The following GIT2 variants were observed in gnomAD, a reference collection of about 807,000 sequenced individuals.
GIT2 encodes GIT ArfGAP 2, also known as ARF GTPase-activating protein GIT2.
Under a neutral mutation model 100.3 loss-of-function variants are expected in GIT2, and 32 were observed. The ratio of observed to expected loss-of-function variants is 0.32; its 90% CI spans 0.24 to 0.43. The LOEUF (loss-of-function observed/expected upper bound fraction) is 0.43. Ranked by LOEUF, GIT2 falls within the 20% of genes least tolerant of loss-of-function variation. GIT2 has a pLI of 1.00. For synonymous variants in GIT2, 353 were observed against 364.1 expected (o/e 0.97, Z 0.35); for missense variants, 737 against 975.1 (o/e 0.76, Z 3.25).
intron 15 of GIT2, among the ~76,000 whole-genome samples, chr12:109,945,663 A>G (rs1222743099): frequency 1.3e-5 from 2 of 152,242 alleles, no homozygotes; most frequent in Admixed American, 1.3e-4. Context: ...ACTGATGTGA[A>G]ATGAGAAACT....
rs371845599 is a variant in GIT2 at position 109,991,179 on chromosome 12, G to A, written c.186+448C>T. Among the ~76,000 whole-genome samples, 101 of 152,142 alleles carry A rather than the reference G, an allele frequency of 6.6e-4. 2 individuals carry two copies. The South Asian group carries it at 0.02, about 30-fold the overall frequency. Reference sequence around the variant, plus strand: ...ACAAAAATTAGCCGGGCATGATGGCGGGTGCCTGTAATCCCAGCTACTTGG... The same window carrying A: ...ACAAAAATTAGCCGGGCATGATGGCAGGTGCCTGTAATCCCAGCTACTTGG... On this transcript the variant is annotated intron_variant, in intron 2 of 19. Transcript: ENST00000355312.
At chr12:109,941,811 G>A (rs1392123234) in intron 16 of GIT2, among the ~76,000 whole-genome samples, 3 of 151,000 alleles carry the variant, frequency 2.0e-5, no homozygotes, top group Non-Finnish European at 4.4e-5. Flanking sequence ...GTGAGCCACC[G>A]CACCCTGCCA....
rs759724908 is a variant in GIT2, at chr12:109,938,372, C to T, written c.2003+8G>A. ...CTCTCCCAAAGCAGGGTCTTCAATC[C>T]TGCTTACCTGTCATGTTTATTTTCT... On this transcript the variant is annotated splice_region_variant and intron_variant, in intron 18 of 19. Transcript: ENST00000355312. 1 of 1,606,924 alleles carries T rather than the reference C, an allele frequency of 6.2e-7. No individual in the cohort carries two copies. The highest frequency in any genetic ancestry group is 1.7e-5 in the Admixed American group (1 of 59,434).
At chr12:109,974,518 T>C (rs910123502) in intron 7 of GIT2, among the ~76,000 whole-genome samples, 1 of 152,202 alleles carries the variant, frequency 6.6e-6, no homozygotes, top group Non-Finnish European at 1.5e-5. Flanking sequence ...AGCGCGAGGC[T>C]CTGTTTCCAA....
intron 8 of GIT2, 129 bp downstream of exon 8, chr12:109,967,329 A>C: frequency 6.3e-7 from 1 of 1,598,212 alleles, no homozygotes; most frequent in Non-Finnish European, 8.5e-7. Context: ...TCTTATTTCC[A>C]AATGGTATAG....
At chr12:109,969,162 C>CTTTTTTT (rs71079595) in intron 7 of GIT2, among the ~76,000 whole-genome samples, 4 of 89,100 alleles carry the variant, frequency 4.5e-5, no homozygotes, top group Admixed American at 1.4e-4. Context: ...AAAACTTTTC[C>CTTTTTTT]TTTTTTTTTT....
In GIT2 at chr12:109,970,051, C is replaced by T. The variant is rs567136997; in HGVS notation, c.719-2548G>A. Among the ~76,000 whole-genome samples the T allele has an allele frequency of 6.5e-4, 99 of 152,162 alleles. 2 individuals carry two copies. In the Middle Eastern group the frequency reaches 0.01, roughly 16 times the overall value. On this transcript the variant is annotated intron_variant, in intron 7 of 19. Transcript: ENST00000355312. ...CATTACAGGCATGAGCCACCGTGCC[C>T]GGACCTCTTACATTTTCTTCTAGAA...
At chr12:109,937,019 A>G (rs1001374691) in intron 18 of GIT2, among the ~76,000 whole-genome samples, 1 of 152,218 alleles carries the variant, frequency 6.6e-6, no homozygotes, top group Admixed American at 6.5e-5. Context: ...TGGTATGAAG[A>G]GAATGCCTGG....
At chr12:109,970,344 T>C (rs1050174617) in intron 7 of GIT2, among the ~76,000 whole-genome samples, 1 of 151,944 alleles carries the variant, frequency 6.6e-6, no homozygotes, top group African/African-American at 2.4e-5. Context: ...ATACAAAAAA[T>C]TACCTGGGTG....
intron 1 of GIT2, 22 bp downstream of exon 1, chr12:109,996,151 G>C (rs749611996): frequency 1.4e-6 from 2 of 1,472,056 alleles, no homozygotes; most frequent in Admixed American, 2.1e-5. Flanking sequence ...AGAGGGGAGC[G>C]GGCCCGGCCG....
chr12:109,981,263 G>C (rs1240203573), intron 6 of GIT2: 1 of 445,708 alleles, frequency 2.2e-6, no homozygotes, highest in East Asian at 3.6e-5. Context: ...CCTTTATTAA[G>C]GCCAAAATAG....
At chr12:109,937,188 G>A (rs1245715786) in intron 18 of GIT2, among the ~76,000 whole-genome samples, 1 of 152,072 alleles carries the variant, frequency 6.6e-6, no homozygotes, top group Non-Finnish European at 1.5e-5. Context: ...TTCTTTCCTA[G>A]TGGGAAATAA....
intron 4 of GIT2, among the ~76,000 whole-genome samples, chr12:109,988,619 G>A (rs370012364): frequency 3.3e-5 from 5 of 151,998 alleles, no homozygotes; most frequent in African/African-American, 9.7e-5. Context: ...CTAGGAGGCC[G>A]AGGCAGACGG....
chr12:109,933,721 C>T lies in GIT2; in HGVS notation c.2067+301G>A, dbSNP rs1176402788. On this transcript the variant is annotated intron_variant, in intron 19 of 19. Coordinates refer to ENST00000355312, the MANE Select transcript of GIT2 (RefSeq NM_057169.5). The surrounding 1 kb of genome is among the most constrained non-coding windows in gnomAD (Gnocchi z 4.5). ...GGTTCAAGCGATTCTCCTGCTTCAG[C>T]CTCCTGAGTAGCTGGGATTACAGGC... 6.9e-6 allele frequency: 2 copies of T among 289,384 alleles called. No homozygotes were observed. Among genetic ancestry groups the T allele is most frequent in the African/African-American group, 4.4e-5 (2 of 45,506 alleles). The allele number at this position is 289,384 out of a possible 1,614,324, so 17.9% of individuals were successfully genotyped here.
chr12:109,965,767 T>C (rs2136458472), intron 8 of GIT2, 190 bp from the exon 9 acceptor site: 1 of 735,194 alleles, frequency 1.4e-6, no homozygotes, highest in South Asian at 1.4e-5. Flanking sequence ...TAACTCCTTC[T>C]GAAATACCAC....
chr12:109,985,419 A>G lies in GIT2; in HGVS notation c.406-1725T>C, dbSNP rs1273127603. Among the ~76,000 whole-genome samples, 20 of 151,566 alleles carry G rather than the reference A, an allele frequency of 1.3e-4. No homozygotes were observed. The Middle Eastern group carries it at 0.017, about 129-fold the overall frequency. On this transcript the variant is annotated intron_variant, in intron 4 of 19. Coordinates refer to ENST00000355312, the MANE Select transcript of GIT2 (RefSeq NM_057169.5). ...GCCAGATTCTGCTGGGGATTAAAAA[A>G]GGGGGGGGAAAAAAGGCCAGATGTG...
At chr12:109,990,881 G>T (rs1034135470) in intron 2 of GIT2, among the ~76,000 whole-genome samples, 3 of 152,218 alleles carry the variant, frequency 2.0e-5, no homozygotes, top group African/African-American at 7.2e-5. Context: ...AAGTTTCTGA[G>T]GAATCCCAGC....
Position 109,948,709 on chromosome 12 carries a change from G to T in GIT2, c.1393-1205C>A. 6.8e-7 allele frequency: 1 copy of T among 1,479,218 alleles called. No individual in the cohort carries two copies. Among genetic ancestry groups the T allele is most frequent in the South Asian group, 1.4e-5 (1 of 70,712 alleles). The allele number at this position is 1,479,218 out of a possible 1,614,324, so 91.6% of individuals were successfully genotyped here. A position where few individuals can be genotyped will look rare whatever the true frequency, so the allele number is the denominator to read the frequency against. ...AGTCCACAAGCAACTGTTTGCACCA[G>T]AAGATCATTACTTTTTCAGTAGCAA... On this transcript the variant is annotated intron_variant, in intron 14 of 19. Coordinates refer to ENST00000355312, the MANE Select transcript of GIT2 (RefSeq NM_057169.5). This position sits in a 1 kb window ranked among gnomAD's most constrained non-coding sequence, Gnocchi z 4.3.
rs997899319 is a variant in GIT2, at chr12:109,948,274, C to A, written c.1393-770G>T. The A allele has an allele frequency of 1.0e-6, 1 of 986,474 alleles. No individual in the cohort carries two copies. The highest frequency in any genetic ancestry group is 1.7e-5 in the African/African-American group (1 of 57,224). The allele number at this position is 986,474 out of a possible 1,614,324, so 61.1% of individuals were successfully genotyped here. The stretch of plus-strand genomic sequence containing the variant: ...CGCTTGCTTCCGTCTGGTGAGTGAT[C>A]ATCTTTCGGCCAGGGCTGGAATATT... On this transcript the variant is annotated intron_variant, in intron 14 of 19. Transcript: ENST00000355312. This position sits in a 1 kb window ranked among gnomAD's most constrained non-coding sequence, Gnocchi z 4.3.
Sources: allele counts gnomAD v4.1 joint callset (sites outside exome capture counted in the v4.1 genomes callset), GRCh38; gene constraint gnomAD v4.1.1; non-coding constraint Gnocchi (gnomAD v3.1); transcripts MANE v1.5; gene names NCBI Gene and HGNC (gene_info 2026-07-23, HGNC 2026-07-21).